The following CSMD1 variants were observed in gnomAD, a reference collection of about 807,000 sequenced individuals.
CSMD1 encodes the protein CUB and Sushi multiple domains 1, also known as CUB and sushi domain-containing protein 1.
A neutral mutation model predicts 417.5 loss-of-function variants in CSMD1; 213 were observed. The observed-to-expected ratio is 0.51, with a 90% confidence interval of 0.46 to 0.57. The LOEUF is 0.57. CSMD1 is among the 20% of genes least tolerant of loss of function. CSMD1 has a pLI of 0.00. For missense variants in CSMD1, 6,923 were observed against 4,529.7 expected (o/e 1.53, Z -15.17); for synonymous variants, 2,862 against 1,736.8 (o/e 1.65, Z -16.11).
At chr8:3,954,232 G>A (rs772193835) in intron 5 of CSMD1, among the ~76,000 whole-genome samples, 3 of 152,222 alleles carry the variant, frequency 2.0e-5, no homozygotes, top group Non-Finnish European at 2.9e-5. Flanking sequence ...ACCCAGGCAA[G>A]TCCAGAGCAG....
chr8:4,698,324 T>C (rs551438547), intron 1 of CSMD1, among the ~76,000 whole-genome samples: 1 of 152,120 alleles, frequency 6.6e-6, no homozygotes, highest in African/African-American at 2.4e-5. Context: ...CAACGGCTCA[T>C]GGAACTTAAA....
chr8:4,920,070 T>C (rs1318521791), intron 1 of CSMD1, among the ~76,000 whole-genome samples: 1 of 151,970 alleles, frequency 6.6e-6, no homozygotes, highest in East Asian at 1.9e-4. Flanking sequence ...TAGAGGAAAA[T>C]AAAATGAAAA....
At position 4,715,012 on chromosome 8, in the gene CSMD1, T is replaced by C. The variant is rs376436077; in HGVS notation, c.86-77454A>G. 3.7e-4 allele frequency among the ~76,000 whole-genome samples: 57 copies of C among 152,316 alleles called. 1 individual carries two copies. Among genetic ancestry groups the C allele is most frequent in the East Asian group, 1.5e-3 (8 of 5,184 alleles). On this transcript the variant is annotated intron_variant, in intron 1 of 69. Coordinates refer to ENST00000635120, the MANE Select transcript of CSMD1 (RefSeq NM_033225.6). ...GCTCACAGATGGCAATAATTTCATA[T>C]CATTTTAACATTTCAAGCATTTTTT... is the stretch of plus-strand genomic sequence containing the variant.
chr8:4,368,875 C>G (rs1583652), intron 3 of CSMD1, among the ~76,000 whole-genome samples: 13,712 of 152,062 alleles, frequency 0.09, 745 homozygotes, highest in African/African-American at 0.15. Context: ...CACAGTCTAT[C>G]AATCTTATTT....
chr8:3,606,195 C>T (rs1222949204), intron 8 of CSMD1, among the ~76,000 whole-genome samples: 2 of 152,096 alleles, frequency 1.3e-5, no homozygotes, highest in African/African-American at 2.4e-5. Context: ...AGAGATGGGC[C>T]AAGGTGCAGT....
chr8:4,606,612 C>G (rs1382192999), intron 2 of CSMD1, among the ~76,000 whole-genome samples: 1 of 152,174 alleles, frequency 6.6e-6, no homozygotes, highest in Non-Finnish European at 1.5e-5. Context: ...TTGAAATTAG[C>G]AAAACGGAGA....
chr8:4,348,690 G>C (rs958886343), intron 3 of CSMD1, among the ~76,000 whole-genome samples: 1 of 151,636 alleles, frequency 6.6e-6, no homozygotes, highest in African/African-American at 2.4e-5. Flanking sequence ...GTACATATCC[G>C]CTTAAGTGAA....
chr8:3,083,608 TTTTATATATATATATATATATATATATA>T (rs1226983289), intron 49 of CSMD1, among the ~76,000 whole-genome samples: 1 of 44,978 alleles, frequency 2.2e-5, no homozygotes. Flanking sequence ...TTACCATAAT[TTTTATATATATATATATATATATATATA>T]TATATATATA....
chr8:3,532,500 C>G (rs1010094679), intron 10 of CSMD1, among the ~76,000 whole-genome samples: 11 of 152,142 alleles, frequency 7.2e-5, no homozygotes, highest in Admixed American at 7.2e-4. Flanking sequence ...CTCCATATCC[C>G]AACCTTCCCC....
chr8:3,941,044 T>G (rs961932785), intron 5 of CSMD1, among the ~76,000 whole-genome samples: 3 of 152,052 alleles, frequency 2.0e-5, no homozygotes, highest in African/African-American at 7.2e-5. Context: ...ATTCAATACA[T>G]TCATATAATC....
chr8:3,446,228 G>C lies in CSMD1; in HGVS notation c.1561+22484C>G, dbSNP rs73660009. Among the ~76,000 whole-genome samples the C allele has an allele frequency of 6.4e-3, 981 of 152,340 alleles. 16 individuals carry two copies. The highest frequency in any genetic ancestry group is 0.022 in the African/African-American group (897 of 41,572). On this transcript the variant is annotated intron_variant, in intron 12 of 69. Coordinates refer to ENST00000635120, the MANE Select transcript of CSMD1 (RefSeq NM_033225.6). Reference sequence around the variant, plus strand: ...GAATGCACTTTCTGAAGCACTCCTAGTCCTTGGAAGAGGGACAGACTCTCA... The same window carrying C: ...GAATGCACTTTCTGAAGCACTCCTACTCCTTGGAAGAGGGACAGACTCTCA...
intron 54 of CSMD1, 29 bp downstream of exon 54, chr8:2,997,982 A>C: frequency 6.2e-7 from 1 of 1,604,312 alleles, no homozygotes; most frequent in Non-Finnish European, 8.5e-7. Flanking sequence ...TCTCAGAGCA[A>C]AGGGCTCATT....
At chr8:4,204,833 T>C (rs113706954) in intron 3 of CSMD1, among the ~76,000 whole-genome samples, 1 of 79,706 alleles carries the variant, frequency 1.3e-5, no homozygotes, top group Non-Finnish European at 2.5e-5. Context: ...TTTTATTTAA[T>C]TTTTTTTTAC....
chr8:4,610,778 G>C (rs769526607), intron 2 of CSMD1, among the ~76,000 whole-genome samples: 1 of 152,168 alleles, frequency 6.6e-6, no homozygotes, highest in Admixed American at 6.5e-5. Context: ...TAATAACATG[G>C]TTGATATTGC....
At chr8:3,618,615 G>A (rs1338605146) in intron 7 of CSMD1, among the ~76,000 whole-genome samples, 4 of 152,042 alleles carry the variant, frequency 2.6e-5, no homozygotes, top group Non-Finnish European at 5.9e-5. Flanking sequence ...TCAGTAGATA[G>A]TGAGACAGAA....
intron 1 of CSMD1, among the ~76,000 whole-genome samples, chr8:4,853,363 G>C (rs1334076673): frequency 6.6e-6 from 1 of 152,202 alleles, no homozygotes; most frequent in Non-Finnish European, 1.5e-5. Context: ...CACTGCTCCA[G>C]CTCTATCCAT....
chr8:4,715,050 G>C (rs891704316), intron 1 of CSMD1, among the ~76,000 whole-genome samples: 4 of 151,850 alleles, frequency 2.6e-5, no homozygotes, highest in African/African-American at 9.7e-5. Context: ...TGTTATTCAG[G>C]GTCTGTTATT....
chr8:4,181,614 T>C (rs981169456), intron 3 of CSMD1, among the ~76,000 whole-genome samples: 14 of 152,206 alleles, frequency 9.2e-5, no homozygotes, highest in African/African-American at 3.4e-4. Context: ...AGGCTTAAAA[T>C]TCATTTATAT....
chr8:4,288,329 T>C (rs1373038554), intron 3 of CSMD1, among the ~76,000 whole-genome samples: 1 of 152,148 alleles, frequency 6.6e-6, no homozygotes, highest in Non-Finnish European at 1.5e-5. Flanking sequence ...AAGGGCTCCC[T>C]TCACCCTTCA....
Sources: gnomAD v4.1 joint callset for allele counts (sites outside exome capture counted in the v4.1 genomes callset) on GRCh38, gnomAD v4.1.1 for gene constraint, MANE v1.5 for transcripts, NCBI Gene and HGNC (gene_info 2026-07-23, HGNC 2026-07-21) for gene names.